The following HS6ST3 variants were observed in gnomAD, a reference collection of about 807,000 sequenced individuals.
HS6ST3 encodes heparan-sulfate 6-O-sulfotransferase 3.
HS6ST3 carries 12 observed loss-of-function variants against 36.7 expected under a neutral mutation model. That is an observed-to-expected ratio of 0.33 (90% CI 0.21 to 0.53). The LOEUF (loss-of-function observed/expected upper bound fraction) is 0.53, where lower values mean the gene tolerates loss of function less well. Ranked by LOEUF, HS6ST3 falls within the 20% of genes least tolerant of loss-of-function variation. HS6ST3 has a pLI of 0.95. For synonymous variants in HS6ST3, 240 were observed against 257.5 expected (o/e 0.93, Z 0.65); for missense variants, 584 against 640.9 (o/e 0.91, Z 0.96).
intron 1 of HS6ST3, among the ~76,000 whole-genome samples, chr13:96,655,542 A>C (rs974578956): frequency 2.0e-5 from 3 of 152,130 alleles, no homozygotes; most frequent in Non-Finnish European, 2.9e-5. Flanking sequence ...AGCCTATATA[A>C]AATAGCTAAT....
At chr13:96,438,967 TG>T (rs2055656591) in intron 1 of HS6ST3, among the ~76,000 whole-genome samples, 1 of 151,868 alleles carries the variant, frequency 6.6e-6, no homozygotes, top group Non-Finnish European at 1.5e-5. Flanking sequence ...CTCAAGGGGC[TG>T]AGGCAGGAGA....
intron 1 of HS6ST3, among the ~76,000 whole-genome samples, chr13:96,488,847 T>G (rs750666897): frequency 3.1e-4 from 47 of 152,136 alleles, no homozygotes; most frequent in Admixed American, 9.2e-4. Context: ...CCTGTGAATA[T>G]ATTTCCTATC....
intron 1 of HS6ST3, among the ~76,000 whole-genome samples, chr13:96,587,708 C>T (rs1344482854): frequency 6.6e-6 from 1 of 152,202 alleles, no homozygotes; most frequent in Non-Finnish European, 1.5e-5. Flanking sequence ...GATGGCATTA[C>T]TCCCTTAATG....
At chr13:96,169,417 A>G (rs1370181322) in intron 1 of HS6ST3, 1 of 152,484 alleles carries the variant, frequency 6.6e-6, no homozygotes, top group Non-Finnish European at 1.5e-5. Flanking sequence ...AGAATCCCAG[A>G]GTCGTTTGGA....
At chr13:96,397,210 G>GAAAA in intron 1 of HS6ST3, among the ~76,000 whole-genome samples, 1 of 151,844 alleles carries the variant, frequency 6.6e-6, no homozygotes, top group East Asian at 1.9e-4. Flanking sequence ...CTCAAAGAAA[G>GAAAA]CAAAACAAAA....
chr13:96,374,811 C>T (rs1467701403), intron 1 of HS6ST3, among the ~76,000 whole-genome samples: 3 of 152,088 alleles, frequency 2.0e-5, no homozygotes, highest in Non-Finnish European at 4.4e-5. Flanking sequence ...ACAAGGGGTA[C>T]AGTAGATAAT....
At chr13:96,625,160 A>G (rs2056507787) in intron 1 of HS6ST3, among the ~76,000 whole-genome samples, 2 of 152,184 alleles carry the variant, frequency 1.3e-5, no homozygotes, top group South Asian at 4.1e-4. Flanking sequence ...GTTTATTCAG[A>G]AATCTCTAGA....
At chr13:96,588,533 T>A (rs1229308425) in intron 1 of HS6ST3, among the ~76,000 whole-genome samples, 1 of 152,244 alleles carries the variant, frequency 6.6e-6, no homozygotes, top group Admixed American at 6.5e-5. Context: ...TGTGCCACAT[T>A]TGCTGATTTA....
intron 1 of HS6ST3, among the ~76,000 whole-genome samples, chr13:96,379,339 G>C (rs576231870): frequency 6.6e-6 from 1 of 152,138 alleles, no homozygotes; most frequent in East Asian, 1.9e-4. Context: ...GAGCCCTCCC[G>C]GATGTGACTA....
chr13:96,417,756 A>ACACACG (rs1362512248), intron 1 of HS6ST3, among the ~76,000 whole-genome samples: 3 of 151,504 alleles, frequency 2.0e-5, no homozygotes, highest in Non-Finnish European at 4.4e-5. Flanking sequence ...ACACACACAC[A>ACACACG]CACATAATAG....
At chr13:96,464,019 GT>G (rs66703746) in intron 1 of HS6ST3, among the ~76,000 whole-genome samples, 4,570 of 127,022 alleles carry the variant, frequency 0.036, 121 homozygotes, top group African/African-American at 0.087. Flanking sequence ...CCATAGACAG[GT>G]TTTTTTTTTT....
At chr13:96,478,683 C>T (rs2138896129) in intron 1 of HS6ST3, among the ~76,000 whole-genome samples, 1 of 152,278 alleles carries the variant, frequency 6.6e-6, no homozygotes, top group East Asian at 1.9e-4. Context: ...GTGCCTCTCA[C>T]TCAGTGCCTG....
chr13:96,410,017 A>G (rs2055499230), intron 1 of HS6ST3, among the ~76,000 whole-genome samples: 2 of 152,232 alleles, frequency 1.3e-5, no homozygotes, highest in African/African-American at 4.8e-5. Flanking sequence ...AAATAAAAAG[A>G]AATAATAAAA....
intron 1 of HS6ST3, among the ~76,000 whole-genome samples, chr13:96,173,532 C>G (rs542075531): frequency 6.6e-6 from 1 of 151,980 alleles, no homozygotes; most frequent in South Asian, 2.1e-4. Context: ...GGAGATAAAA[C>G]CTATTATAAG....
chr13:96,551,270 TG>T (rs2056218460), intron 1 of HS6ST3, among the ~76,000 whole-genome samples: 2 of 152,200 alleles, frequency 1.3e-5, no homozygotes, highest in South Asian at 4.1e-4. Context: ...ATGTTACCTT[TG>T]AAAGTGACAC....
At chr13:96,696,673 A>G (rs1299334321) in intron 1 of HS6ST3, among the ~76,000 whole-genome samples, 1 of 152,212 alleles carries the variant, frequency 6.6e-6, no homozygotes, top group East Asian at 1.9e-4. Context: ...GCATTCTTGC[A>G]CAACAGCACA....
intron 1 of HS6ST3, among the ~76,000 whole-genome samples, chr13:96,504,114 A>G (rs1325057660): frequency 6.6e-6 from 1 of 152,160 alleles, no homozygotes; most frequent in African/African-American, 2.4e-5. Context: ...GGTACAACAT[A>G]TACATTTTTT....
In HS6ST3 at chr13:96,708,393, A is replaced by C. The variant is rs189157437; in HGVS notation, c.708-124097A>C. The stretch of plus-strand genomic sequence containing the variant: ...TTTCTGTTCTTCCAAAGCATGTCCA[A>C]CTTGAGAATACCCCAATCTCTTTCT... On this transcript the variant is annotated intron_variant, in intron 1 of 1. Coordinates refer to ENST00000376705, the MANE Select transcript of HS6ST3 (RefSeq NM_153456.4). Among the ~76,000 whole-genome samples the C allele has an allele frequency of 3.3e-5, 5 of 152,334 alleles. No individual in the cohort carries two copies. The South Asian group carries it at 1.0e-3, about 32-fold the overall frequency.
In HS6ST3 at chr13:96,524,454, C is replaced by T. The variant is rs1411360802; in HGVS notation, c.708-308036C>T. On this transcript the variant is annotated intron_variant, in intron 1 of 1. Transcript: ENST00000376705. The stretch of plus-strand genomic sequence containing the variant: ...GTCTGCTGCCTTTTGTTCAGATATA[C>T]CCTGCCCCCAGAGGTGGAATCTAGA... Among the ~76,000 whole-genome samples the T allele has an allele frequency of 2.0e-5, 3 of 152,204 alleles. No homozygotes were observed. The East Asian group carries it at 5.8e-4, about 29-fold the overall frequency.
Sources: gnomAD v4.1 joint callset for allele counts (sites outside exome capture counted in the v4.1 genomes callset) on GRCh38, gnomAD v4.1.1 for gene constraint, MANE v1.5 for transcripts, NCBI Gene and HGNC (gene_info 2026-07-23, HGNC 2026-07-21) for gene names.